Variants in SETBP1 observed in about 807,000 individuals in gnomAD.
SETBP1 encodes the protein SET binding protein 1.
A neutral mutation model predicts 101.0 loss-of-function variants in SETBP1; 9 were observed. The observed-to-expected ratio is 0.09, with a 90% confidence interval of 0.05 to 0.16. The LOEUF (loss-of-function observed/expected upper bound fraction) is 0.16, where lower values mean the gene tolerates loss of function less well. Ranked by LOEUF, SETBP1 falls within the 10% of genes least tolerant of loss-of-function variation. The pLI is 1.00. For missense variants in SETBP1, 1,858 were observed against 2,033.8 expected (o/e 0.91, Z 1.66); for synonymous variants, 818 against 788.5 (o/e 1.04, Z -0.63).
chr18:45,063,736 T>C lies in SETBP1; in HGVS notation c.*38T>C. On this transcript the variant is annotated 3_prime_UTR_variant, in exon 6 of 6. Transcript: ENST00000649279. ...CGTCTGCACCTGGGGCCTAGGGAAC[T>C]GACACGTGGGAAGCGCAGTGAGCCG... The C allele has an allele frequency of 6.3e-7, 1 of 1,584,658 alleles. No individual in the cohort carries two copies. The highest frequency in any genetic ancestry group is 8.6e-7 in the Non-Finnish European group (1 of 1,165,688).
At chr18:45,036,026 A>AT (rs764302571) in intron 4 of SETBP1, among the ~76,000 whole-genome samples, 3 of 152,186 alleles carry the variant, frequency 2.0e-5, no homozygotes, top group Non-Finnish European at 4.4e-5. Flanking sequence ...TTTTTTAAAT[A>AT]TTAACAATAA....
intron 2 of SETBP1, among the ~76,000 whole-genome samples, chr18:44,770,031 T>C (rs1212893150): frequency 6.6e-6 from 1 of 152,184 alleles, no homozygotes; most frequent in Non-Finnish European, 1.5e-5. Context: ...TGAAATTCTT[T>C]CAAAAGGAAG....
At chr18:44,852,323 C>T (rs2072885736) in intron 2 of SETBP1, among the ~76,000 whole-genome samples, 2 of 152,210 alleles carry the variant, frequency 1.3e-5, no homozygotes, top group South Asian at 4.1e-4. Flanking sequence ...TTTGAGATCT[C>T]CTCATGGCCC....
At chr18:45,028,118 G>A (rs1220666340) in intron 4 of SETBP1, among the ~76,000 whole-genome samples, 2 of 151,334 alleles carry the variant, frequency 1.3e-5, no homozygotes, top group Non-Finnish European at 2.9e-5. Flanking sequence ...CCATTAACTC[G>A]TCATTTAGCA....
intron 2 of SETBP1, among the ~76,000 whole-genome samples, chr18:44,843,202 G>A (rs1420449881): frequency 9.2e-5 from 14 of 152,240 alleles, no homozygotes; most frequent in Admixed American, 9.2e-4. Context: ...GAGGGGCATG[G>A]CACCTCTGGC....
chr18:44,922,576 T>A lies in SETBP1; in HGVS notation c.541-27305T>A, dbSNP rs181778951. 7.2e-5 allele frequency among the ~76,000 whole-genome samples: 11 copies of A among 152,300 alleles called. No individual in the cohort carries two copies. The East Asian group carries it at 2.1e-3, about 29-fold the overall frequency. ...ATCTCCTGCTTCCTGCTCTCCCAAG[T>A]CAGTGGGGTTAGAATCTTAGTTTTG... On this transcript the variant is annotated intron_variant, in intron 3 of 5. Coordinates refer to ENST00000649279, the MANE Select transcript of SETBP1 (RefSeq NM_015559.3).
intron 3 of SETBP1, among the ~76,000 whole-genome samples, chr18:44,939,570 TG>T (rs1375892558): frequency 2.6e-5 from 4 of 152,204 alleles, no homozygotes; most frequent in African/African-American, 9.6e-5. Flanking sequence ...TCTTTTCTCT[TG>T]GGTAAATATA....
intron 2 of SETBP1, among the ~76,000 whole-genome samples, chr18:44,846,742 A>T (rs75914870): frequency 5.7e-4 from 87 of 152,354 alleles, no homozygotes; most frequent in African/African-American, 2.1e-3. Context: ...GCCTAGTGGG[A>T]TTAGGATGTC....
chr18:45,052,308 G>A (rs1310440453), intron 5 of SETBP1, among the ~76,000 whole-genome samples: 1 of 152,240 alleles, frequency 6.6e-6, no homozygotes, highest in Non-Finnish European at 1.5e-5. Flanking sequence ...ATGCTGAAAT[G>A]AGAGTCCATG....
intron 2 of SETBP1, among the ~76,000 whole-genome samples, chr18:44,804,663 T>A (rs1303997633): frequency 6.6e-6 from 1 of 152,100 alleles, no homozygotes; most frequent in Non-Finnish European, 1.5e-5. Context: ...CTATCCACTA[T>A]GAGGAAGGCA....
At chr18:44,904,343 A>G (rs2070122997) in intron 3 of SETBP1, among the ~76,000 whole-genome samples, 1 of 152,184 alleles carries the variant, frequency 6.6e-6, no homozygotes, top group Admixed American at 6.5e-5. Context: ...CCTGGGAGTG[A>G]GTGCATATTC....
chr18:44,827,517 A>T (rs2072262948), intron 2 of SETBP1, among the ~76,000 whole-genome samples: 1 of 152,222 alleles, frequency 6.6e-6, no homozygotes, highest in Non-Finnish European at 1.5e-5. Flanking sequence ...TCATTGCAAC[A>T]TATACATCTT....
chr18:44,876,789 C>T (rs2144718687), intron 3 of SETBP1: 1 of 1,468,306 alleles, frequency 6.8e-7, no homozygotes, highest in East Asian at 2.5e-5. Context: ...CACCTGTGGT[C>T]ATTCCCTGTT....
chr18:44,704,524 T>G (rs1376792647), intron 2 of SETBP1, among the ~76,000 whole-genome samples: 1 of 152,248 alleles, frequency 6.6e-6, no homozygotes, highest in Non-Finnish European at 1.5e-5. Flanking sequence ...CTAGCACTGT[T>G]ACTTTCCAGA....
intron 2 of SETBP1, among the ~76,000 whole-genome samples, chr18:44,774,202 T>C (rs2070942827): frequency 6.6e-6 from 1 of 152,180 alleles, no homozygotes; most frequent in Non-Finnish European, 1.5e-5. Context: ...ACTGCCTCTT[T>C]TGATGTACGC....
intron 3 of SETBP1, among the ~76,000 whole-genome samples, chr18:44,932,694 T>C (rs1331785817): frequency 6.6e-6 from 1 of 152,232 alleles, no homozygotes; most frequent in African/African-American, 2.4e-5. Context: ...ATTTATTTGA[T>C]CTTCCATCAC....
At chr18:44,779,942 A>G (rs749483181) in intron 2 of SETBP1, among the ~76,000 whole-genome samples, 3 of 151,722 alleles carry the variant, frequency 2.0e-5, no homozygotes, top group Non-Finnish European at 4.4e-5. Flanking sequence ...ACGCACACAC[A>G]CACGCACGCA....
At chr18:44,909,831 C>A (rs951767247) in intron 3 of SETBP1, among the ~76,000 whole-genome samples, 2 of 152,148 alleles carry the variant, frequency 1.3e-5, no homozygotes, top group African/African-American at 4.8e-5. Flanking sequence ...ACCATGTCAA[C>A]CCTCTTCTGT....
intron 2 of SETBP1, among the ~76,000 whole-genome samples, chr18:44,706,074 G>C (rs1351612392): frequency 2.0e-5 from 3 of 152,176 alleles, no homozygotes; most frequent in African/African-American, 7.2e-5. Flanking sequence ...GCTGAGGGGA[G>C]AGCTCAGAAG....
Sources: allele counts gnomAD v4.1 joint callset (sites outside exome capture counted in the v4.1 genomes callset), GRCh38; gene constraint gnomAD v4.1.1; transcripts MANE v1.5; gene names NCBI Gene and HGNC (gene_info 2026-07-23, HGNC 2026-07-21).